CAT: variants seen among roughly 807,000 people sequenced by gnomAD.
CAT encodes the protein epididymis secretory sperm binding protein.
In CAT, 43 loss-of-function variants were observed where a neutral mutation model predicts 59.0. The observed-to-expected ratio is 0.73, with a 90% CI of 0.57 to 0.94. The LOEUF (loss-of-function observed/expected upper bound fraction) is 0.94, where lower values mean the gene tolerates loss of function less well. CAT is among the 40% of genes least tolerant of loss of function. The pLI is 0.00. For missense variants in CAT, 664 were observed against 682.9 expected, an observed-to-expected ratio of 0.97 and a Z score of 0.31; for synonymous variants, 218 against 230.9, an observed-to-expected ratio of 0.94 and a Z score of 0.51.
chr11:34,453,237 C>T, intron 5 of CAT, 43 bp downstream of exon 5: 1 of 1,156,394 alleles, frequency 8.6e-7, no homozygotes, highest in Non-Finnish European at 1.3e-6. Context: ...ACCTGGGATG[C>T]AGTGTTTAAT....
At chr11:34,459,602 A>G (rs1856627098) in intron 8 of CAT, among the ~76,000 whole-genome samples, 1 of 152,198 alleles carries the variant, frequency 6.6e-6, no homozygotes, top group South Asian at 2.1e-4. Flanking sequence ...CCACTCACGC[A>G]GGTCCAGCAA....
chr11:34,454,256 A>T (rs770987170), intron 6 of CAT, among the ~76,000 whole-genome samples: 1 of 152,236 alleles, frequency 6.6e-6, no homozygotes, highest in Non-Finnish European at 1.5e-5. Context: ...TCAATTACAA[A>T]TGTCAGAAAA....
At chr11:34,443,619 G>T (rs547164612) in intron 1 of CAT, among the ~76,000 whole-genome samples, 11 of 151,854 alleles carry the variant, frequency 7.2e-5, no homozygotes, top group South Asian at 2.1e-4. Flanking sequence ...TTTTCTTGGG[G>T]GTAAATGGGA....
chr11:34,449,892 G>A (rs1179307425), intron 2 of CAT, among the ~76,000 whole-genome samples: 1 of 152,200 alleles, frequency 6.6e-6, no homozygotes, highest in Admixed American at 6.5e-5. Context: ...GGTGGTGGGA[G>A]GCCAGAGCCT....
chr11:34,444,355 C>G (rs1249404511), intron 1 of CAT, among the ~76,000 whole-genome samples: 1 of 152,152 alleles, frequency 6.6e-6, no homozygotes, highest in South Asian at 2.1e-4. Context: ...AATCTTAAAA[C>G]TGGAGTTAAT....
At chr11:34,461,503 A>G in intron 9 of CAT, 114 bp downstream of exon 9, 1 of 1,273,200 alleles carries the variant, frequency 7.9e-7, no homozygotes, top group Admixed American at 1.7e-5. Context: ...CCTGCTTGGT[A>G]AAGGTGCTCC....
chr11:34,454,659 C>G (rs192575026), intron 6 of CAT, among the ~76,000 whole-genome samples: 19 of 152,304 alleles, frequency 1.2e-4, no homozygotes, highest in Non-Finnish European at 1.6e-4. Context: ...AAACTATCAC[C>G]TCTTTTTATA....
At chr11:34,446,818 C>T (rs190548590) in intron 1 of CAT, among the ~76,000 whole-genome samples, 18 of 151,962 alleles carry the variant, frequency 1.2e-4, no homozygotes, top group Middle Eastern at 3.4e-3. Flanking sequence ...CTCAGCTCAC[C>T]GCAACCTCCG....
chr11:34,471,289 C>T, intron 12 of CAT, 79 bp from the exon 13 acceptor site: 1 of 1,105,986 alleles, frequency 9.0e-7, no homozygotes, highest in Non-Finnish European at 1.4e-6. Flanking sequence ...TTTTCATTTG[C>T]ATACATATTA....
intron 9 of CAT, among the ~76,000 whole-genome samples, chr11:34,463,578 C>T (rs1856677997): frequency 6.6e-6 from 1 of 152,178 alleles, no homozygotes; most frequent in Non-Finnish European, 1.5e-5. Flanking sequence ...ACCGTGTGAC[C>T]TTGCAGCAGT....
At chr11:34,449,832 A>C (rs1856501712) in intron 2 of CAT, among the ~76,000 whole-genome samples, 1 of 152,260 alleles carries the variant, frequency 6.6e-6, no homozygotes. Context: ...CATACCTTTA[A>C]GAAAGATTAG....
At chr11:34,442,414 C>T (rs1304775458) in intron 1 of CAT, among the ~76,000 whole-genome samples, 2 of 152,044 alleles carry the variant, frequency 1.3e-5, no homozygotes, top group Non-Finnish European at 2.9e-5. Flanking sequence ...CTAGCCTGAC[C>T]AATATGGAGA....
At chr11:34,453,952 G>A (rs1158362575) in intron 6 of CAT, 26 bp downstream of exon 6, 1 of 1,611,532 alleles carries the variant, frequency 6.2e-7, no homozygotes, top group South Asian at 1.1e-5. Flanking sequence ...GGGGCAGAGG[G>A]TACAAGGCTC....
intron 2 of CAT, among the ~76,000 whole-genome samples, chr11:34,450,407 T>G (rs1231292375): frequency 6.6e-6 from 1 of 152,190 alleles, no homozygotes; most frequent in Non-Finnish European, 1.5e-5. Flanking sequence ...TGAAAGAAAG[T>G]GAAAAACTCA....
At chr11:34,457,153 TA>T (rs1856600310) in intron 8 of CAT, among the ~76,000 whole-genome samples, 1 of 151,600 alleles carries the variant, frequency 6.6e-6, no homozygotes, top group African/African-American at 2.4e-5. Flanking sequence ...GTAGCTGAAG[TA>T]TGGTTAATTA....
At chr11:34,450,431 C>T (rs1856511024) in intron 2 of CAT, among the ~76,000 whole-genome samples, 1 of 152,160 alleles carries the variant, frequency 6.6e-6, no homozygotes, top group Non-Finnish European at 1.5e-5. Flanking sequence ...GGAAAAAGAG[C>T]TCCACAGAAA....
chr11:34,448,112 A>T (rs1260116918), intron 1 of CAT, among the ~76,000 whole-genome samples: 1 of 151,880 alleles, frequency 6.6e-6, no homozygotes, highest in South Asian at 2.1e-4. Flanking sequence ...GTAAGTGCCT[A>T]CTCCCCACCG....
chr11:34,443,787 G>T (rs1424820173), intron 1 of CAT, among the ~76,000 whole-genome samples: 1 of 152,076 alleles, frequency 6.6e-6, no homozygotes, highest in Non-Finnish European at 1.5e-5. Flanking sequence ...GCCTGTGAGG[G>T]TCTATATTTT....
chr11:34,461,532 G>A, intron 9 of CAT, 143 bp downstream of exon 9: 1 of 881,354 alleles, frequency 1.1e-6, no homozygotes, highest in Non-Finnish European at 1.8e-6. Context: ...TGCTAACTGG[G>A]CGCTTTTTTG....
Sources: allele counts gnomAD v4.1 joint callset (sites outside exome capture counted in the v4.1 genomes callset), GRCh38; gene constraint gnomAD v4.1.1; transcripts MANE v1.5; gene names NCBI Gene and HGNC (gene_info 2026-07-23, HGNC 2026-07-21).